SPATA4: variants seen among roughly 807,000 people sequenced by gnomAD.
The protein encoded by SPATA4 is spermatogenesis-associated protein 4.
In SPATA4, 35 loss-of-function variants were observed where a neutral mutation model predicts 31.8. The observed-to-expected ratio is 1.10, with a 90% CI of 0.84 to 1.46. The LOEUF (loss-of-function observed/expected upper bound fraction) is 1.46, where lower values mean the gene tolerates loss of function less well. Ranked by LOEUF, SPATA4 falls within the 40% of genes most tolerant of loss-of-function variation. The pLI is 0.00. For synonymous variants in SPATA4, 126 were observed against 132.4 expected (o/e 0.95, Z 0.33); for missense variants, 394 against 363.1 (o/e 1.09, Z -0.69).
At chr4:176,195,313 C>A (rs754842882) in intron 1 of SPATA4, 32 bp downstream of exon 1, 23 of 1,603,186 alleles carry the variant, frequency 1.4e-5, no homozygotes, top group Middle Eastern at 3.3e-4. Flanking sequence ...GGGCGCCCAC[C>A]GGGGGGGCCT....
chr4:176,192,848 C>T lies in SPATA4; in HGVS notation c.468-1G>A, dbSNP rs758905777. The T allele has an allele frequency of 6.2e-7, 1 of 1,609,464 alleles. No individual in the cohort carries two copies. The highest frequency in any genetic ancestry group is 8.5e-7 in the Non-Finnish European group (1 of 1,178,552). ...AAAGTCATCCTGGATACTTTTAATT[C>T]TGGAAATAAAAAATAAAATACTGTT... On this transcript the variant is annotated splice_acceptor_variant, in intron 3 of 5. Transcript: ENST00000280191. LOFTEE classifies it high-confidence loss of function.
chr4:176,189,342 A>C (rs1752491925), intron 4 of SPATA4, among the ~76,000 whole-genome samples: 1 of 152,196 alleles, frequency 6.6e-6, no homozygotes, highest in African/African-American at 2.4e-5. Context: ...ATAGATTAGC[A>C]CTAAAAAGAG....
At position 176,192,618 on chromosome 4, in the gene SPATA4, A is replaced by T; in HGVS notation, c.688+9T>A. On this transcript the variant is annotated intron_variant, in intron 4 of 5. Coordinates refer to ENST00000280191, the MANE Select transcript of SPATA4 (RefSeq NM_144644.4). ...TGGAAGAACTCAGCTGTTTCAAAGG[A>T]AAACTTACCTGGATTCAATTTTCTG... 6.2e-7 allele frequency: 1 copy of T among 1,612,862 alleles called. No individual in the cohort carries two copies. Among genetic ancestry groups the T allele is most frequent in the Non-Finnish European group, 8.5e-7 (1 of 1,178,980 alleles).
intron 4 of SPATA4, among the ~76,000 whole-genome samples, chr4:176,192,403 A>T (rs573678137): frequency 6.6e-6 from 1 of 152,242 alleles, no homozygotes; most frequent in South Asian, 2.1e-4. Flanking sequence ...TCTAAAAAGA[A>T]GTGTCTGTAT....
intron 4 of SPATA4, among the ~76,000 whole-genome samples, chr4:176,191,016 A>G (rs1350609377): frequency 6.6e-6 from 1 of 151,964 alleles, no homozygotes; most frequent in East Asian, 1.9e-4. Flanking sequence ...AAAAATATAT[A>G]TGAATGAAGT....
At chr4:176,195,226 TG>T in intron 1 of SPATA4, 118 bp downstream of exon 1, 12 of 819,306 alleles carry the variant, frequency 1.5e-5, no homozygotes, top group Non-Finnish European at 2.0e-5. Flanking sequence ...TGTACGTGGG[TG>T]GGGGGGTCTT....
Position 176,184,896 on chromosome 4 carries a change from G to T in SPATA4, c.806-4C>A. The T allele has an allele frequency of 6.4e-7, 1 of 1,551,160 alleles. No homozygotes were observed. Among genetic ancestry groups the T allele is most frequent in the Non-Finnish European group, 8.8e-7 (1 of 1,142,596 alleles). On this transcript the variant is annotated splice_region_variant and splice_polypyrimidine_tract_variant and intron_variant, in intron 5 of 5. Coordinates refer to ENST00000280191, the MANE Select transcript of SPATA4 (RefSeq NM_144644.4). ...CTGCCACCACTACCTATATTTGCTG[G>T]GACATTTAAATAAGCAAAATTAAAA...
At chr4:176,193,107 A>G (rs1227506702) in intron 2 of SPATA4, 31 bp from the exon 3 acceptor site, 2 of 1,360,216 alleles carry the variant, frequency 1.5e-6, no homozygotes, top group African/African-American at 2.9e-5. Flanking sequence ...TGTTTTTATC[A>G]TAAGAACTTT....
chr4:176,190,657 C>G (rs1752514140), intron 4 of SPATA4, among the ~76,000 whole-genome samples: 1 of 152,164 alleles, frequency 6.6e-6, no homozygotes, highest in South Asian at 2.1e-4. Context: ...CAAGGTAATT[C>G]TTTGCTCCTG....
Position 176,184,893 on chromosome 4 carries a change from C to A in SPATA4, c.806-1G>T. ...GAACTGCCACCACTACCTATATTTGCTGGGACATTTAAATAAGCAAAATTA... is the reference window on the plus strand; with the variant it reads ...GAACTGCCACCACTACCTATATTTGATGGGACATTTAAATAAGCAAAATTA... On this transcript the variant is annotated splice_acceptor_variant, in intron 5 of 5. Coordinates refer to ENST00000280191, the MANE Select transcript of SPATA4 (RefSeq NM_144644.4). LOFTEE classifies it high-confidence loss of function. 1 of 1,562,418 alleles carries A rather than the reference C, an allele frequency of 6.4e-7. No individual in the cohort carries two copies. The highest frequency in any genetic ancestry group is 8.7e-7 in the Non-Finnish European group (1 of 1,152,252).
chr4:176,184,735 A>G lies in SPATA4; in HGVS notation c.*45T>C. 1 of 1,148,384 alleles carries G rather than the reference A, an allele frequency of 8.7e-7. No homozygotes were observed. Among genetic ancestry groups the G allele is most frequent in the South Asian group, 1.4e-5 (1 of 69,376 alleles). The allele number at this position is 1,148,384 out of a possible 1,614,324, so 71.1% of individuals were successfully genotyped here. On this transcript the variant is annotated 3_prime_UTR_variant, in exon 6 of 6. Transcript: ENST00000280191. ...GTGATTCTGTTTCTTTATTATGGCT[A>G]GAGATGGTGGCATCACTTCTTCAAA... is the stretch of plus-strand genomic sequence containing the variant.
rs557639112 is a variant in SPATA4 at position 176,191,330 on chromosome 4, G to A, written c.688+1297C>T. On this transcript the variant is annotated intron_variant, in intron 4 of 5. Coordinates refer to ENST00000280191, the MANE Select transcript of SPATA4 (RefSeq NM_144644.4). ...AGGCTGGTCTCAAACTTTTGACCTC[G>A]TGATCCGCCTGCCTTGGCCTCCCAA... Among the ~76,000 whole-genome samples, 6 of 152,260 alleles carry A rather than the reference G, an allele frequency of 3.9e-5. No homozygotes were observed. The East Asian group carries it at 7.7e-4, about 20-fold the overall frequency.
Position 176,187,725 on chromosome 4 carries a change from G to A in SPATA4, c.805+394C>T, listed in dbSNP as rs554218972. On this transcript the variant is annotated intron_variant, in intron 5 of 5. Coordinates refer to ENST00000280191, the MANE Select transcript of SPATA4 (RefSeq NM_144644.4). The stretch of plus-strand genomic sequence containing the variant: ...TATAAATGCTTTCTGAATTAACAGG[G>A]TTTAATCAAGTGACTTCTTGTAATA... Among the ~76,000 whole-genome samples the A allele has an allele frequency of 4.5e-4, 69 of 152,344 alleles. No homozygotes were observed. In the South Asian group the frequency reaches 0.014, roughly 31 times the overall value.
Position 176,186,320 on chromosome 4 carries a change from G to A in SPATA4, c.806-1428C>T, listed in dbSNP as rs150827396. Among the ~76,000 whole-genome samples, 469 of 152,210 alleles carry A rather than the reference G, an allele frequency of 3.1e-3. 2 individuals are homozygous for A. The highest frequency in any genetic ancestry group is 0.011 in the African/African-American group (452 of 41,528). ...TCTTTCCCTTTCCCAGTGAAATTCA[G>A]TTAATCATAAGGGGAACGAGGCAAG... is the stretch of plus-strand genomic sequence containing the variant. On this transcript the variant is annotated intron_variant, in intron 5 of 5. Coordinates refer to ENST00000280191, the MANE Select transcript of SPATA4 (RefSeq NM_144644.4).
Position 176,184,700 on chromosome 4 carries a change from C to A in SPATA4, c.*80G>T. 1.4e-6 allele frequency: 1 copy of A among 690,660 alleles called. No individual in the cohort carries two copies. Among genetic ancestry groups the A allele is most frequent in the Non-Finnish European group, 2.4e-6 (1 of 424,328 alleles). 42.8% of individuals were successfully genotyped at this position (690,660 alleles called of 1,614,324 possible). ...CACTCTATTTATTATTGAAATACAT[C>A]CAATACTAGGTGATTCTGTTTCTTT... is the stretch of plus-strand genomic sequence containing the variant. On this transcript the variant is annotated 3_prime_UTR_variant, in exon 6 of 6. Coordinates refer to ENST00000280191, the MANE Select transcript of SPATA4 (RefSeq NM_144644.4).
chr4:176,187,021 A>T (rs1350687448), intron 5 of SPATA4, among the ~76,000 whole-genome samples: 1 of 152,216 alleles, frequency 6.6e-6, no homozygotes, highest in Non-Finnish European at 1.5e-5. Context: ...GCCAGATAAA[A>T]TATAGGACAC....
At chr4:176,190,814 G>C (rs1248579727) in intron 4 of SPATA4, among the ~76,000 whole-genome samples, 1 of 151,802 alleles carries the variant, frequency 6.6e-6, no homozygotes, top group African/African-American at 2.4e-5. Context: ...TGCTTCTAAG[G>C]GTTTGTGTGA....
At chr4:176,195,320 G>A (rs761338010) in intron 1 of SPATA4, 25 bp downstream of exon 1, 7 of 1,612,066 alleles carry the variant, frequency 4.3e-6, no homozygotes, top group African/African-American at 2.7e-5. Context: ...CACCGGGGGG[G>A]CCTAGGACTG....
At chr4:176,187,599 G>A (rs1371974949) in intron 5 of SPATA4, among the ~76,000 whole-genome samples, 2 of 152,164 alleles carry the variant, frequency 1.3e-5, no homozygotes, top group East Asian at 1.9e-4. Context: ...GTGAGACTCC[G>A]TCTCCAAAAA....
Sources: gnomAD v4.1 joint callset for allele counts (sites outside exome capture counted in the v4.1 genomes callset) on GRCh38, gnomAD v4.1.1 for gene constraint, MANE v1.5 for transcripts, NCBI Gene and HGNC (gene_info 2026-07-23, HGNC 2026-07-21) for gene names.